Variants in KANK1 observed in about 807,000 individuals in gnomAD.
The protein encoded by KANK1 is KN motif and ankyrin repeat domain-containing protein 1.
Under a neutral mutation model 106.2 loss-of-function variants are expected in KANK1, and 109 were observed. That is an observed-to-expected ratio of 1.03 (90% CI 0.88 to 1.20). The LOEUF (loss-of-function observed/expected upper bound fraction) is 1.20. Ranked by LOEUF, KANK1 falls within the 50% of genes most tolerant of loss-of-function variation. KANK1 has a pLI of 0.00. For synonymous variants in KANK1, 873 were observed against 652.2 expected (o/e 1.34, Z -5.16); for missense variants, 2,399 against 1,710.7 (o/e 1.40, Z -7.10).
intron 3 of KANK1, among the ~76,000 whole-genome samples, chr9:485,740 G>A (rs968906732): frequency 5.9e-5 from 9 of 151,918 alleles, no homozygotes; most frequent in Admixed American, 4.6e-4. Context: ...ATGTGGTGGC[G>A]CATGCCTGTA....
intron 1 of KANK1, chr9:549,502 T>G (rs1191357462): frequency 6.6e-6 from 1 of 152,208 alleles, no homozygotes; most frequent in Non-Finnish European, 1.5e-5. Flanking sequence ...CAGTTTTCCT[T>G]CCTTCAAAAT....
intron 3 of KANK1, among the ~76,000 whole-genome samples, chr9:714,735 A>G (rs1347318906): frequency 6.6e-6 from 1 of 152,096 alleles, no homozygotes; most frequent in African/African-American, 2.4e-5. Context: ...CCTTCTTGAA[A>G]TTGAAGCTAA....
intron 2 of KANK1, among the ~76,000 whole-genome samples, chr9:677,267 A>G (rs1758321963): frequency 6.6e-6 from 1 of 152,160 alleles, no homozygotes; most frequent in Non-Finnish European, 1.5e-5. Flanking sequence ...AGACAAATGT[A>G]AATACTGAAT....
chr9:635,907 T>G (rs1207026522), intron 1 of KANK1, among the ~76,000 whole-genome samples: 1 of 151,994 alleles, frequency 6.6e-6, no homozygotes, highest in Non-Finnish European at 1.5e-5. Flanking sequence ...ACTCCTGGCC[T>G]CAGGTGATCC....
chr9:650,306 A>T (rs932403691), intron 1 of KANK1, among the ~76,000 whole-genome samples: 4 of 152,322 alleles, frequency 2.6e-5, no homozygotes. Context: ...TGCAAAGTGA[A>T]AGTAAAAGAT....
Position 662,665 on chromosome 9 carries a change from A to AAT in KANK1, c.-83-14225_-83-14224insAT, listed in dbSNP as rs374429443. On this transcript the variant is annotated intron_variant, in intron 1 of 11. Transcript: ENST00000382297. ...TTCCTTACACCTTATACAAAAGTTA[A>AAT]TTTTTTTTTTTTTTGAGACAGGGTC... Among the ~76,000 whole-genome samples, 59 of 141,782 alleles carry AAT rather than the reference A, an allele frequency of 4.2e-4. 2 individuals carry two copies. The highest frequency in any genetic ancestry group is 1.5e-3 in the African/African-American group (56 of 37,254). The allele number at this position is 141,782 out of a possible 152,430, so 93.0% of individuals were successfully genotyped here.
intron 1 of KANK1, among the ~76,000 whole-genome samples, chr9:595,925 G>A (rs757969248): frequency 8.6e-5 from 13 of 151,822 alleles, no homozygotes; most frequent in South Asian, 2.1e-4. Flanking sequence ...TATCCCAAAC[G>A]CTTGGGACTA....
rs554805116 is a variant in KANK1, at chr9:706,837, G to A, written c.38-3967G>A. On this transcript the variant is annotated intron_variant, in intron 2 of 11. Coordinates refer to ENST00000382297, the MANE Select transcript of KANK1 (RefSeq NM_015158.5). ...TGCCTCTGCACCTCCTCAGGTGACC[G>A]AGGGCTGGGCAGGAGGACACAGACT... 6 of 985,532 alleles carry A rather than the reference G, an allele frequency of 6.1e-6. No individual in the cohort carries two copies. The East Asian group carries it at 4.5e-4, about 75-fold the overall frequency. The allele number at this position is 985,532 out of a possible 1,614,324, so 61.0% of individuals were successfully genotyped here.
At chr9:643,073 T>G (rs777881216) in intron 1 of KANK1, among the ~76,000 whole-genome samples, 4 of 150,828 alleles carry the variant, frequency 2.7e-5, no homozygotes, top group Non-Finnish European at 5.9e-5. Flanking sequence ...GATAGGTCAT[T>G]TTTCAGATTC....
intron 7 of KANK1, chr9:735,831 T>C (rs1271739768): frequency 8.5e-6 from 3 of 354,572 alleles, no homozygotes; most frequent in South Asian, 2.1e-5. Flanking sequence ...CTTTCTCTAC[T>C]AAAAATACAA....
intron 11 of KANK1, 89 bp downstream of exon 11, chr9:744,678 T>G (rs769094124): frequency 1.2e-6 from 2 of 1,608,372 alleles, no homozygotes; most frequent in Non-Finnish European, 8.5e-7. Context: ...GGGAGACAGA[T>G]TTTATGTTGA....
chr9:726,312 T>G (rs975834628), intron 3 of KANK1, among the ~76,000 whole-genome samples: 2 of 152,140 alleles, frequency 1.3e-5, no homozygotes, highest in African/African-American at 2.4e-5. Flanking sequence ...TTAGAGGGAA[T>G]AAGCCCATTG....
intron 2 of KANK1, among the ~76,000 whole-genome samples, chr9:703,687 T>A (rs987386097): frequency 6.6e-6 from 1 of 152,056 alleles, no homozygotes; most frequent in Non-Finnish European, 1.5e-5. Context: ...AGTCTCTTTA[T>A]AACCCAGGTA....
intron 1 of KANK1, among the ~76,000 whole-genome samples, chr9:550,869 T>G (rs2061239311): frequency 6.6e-6 from 1 of 152,162 alleles, no homozygotes; most frequent in South Asian, 2.1e-4. Flanking sequence ...GTCTTCTTTT[T>G]CCCAGACTCC....
chr9:709,725 C>T (rs1173517423), intron 2 of KANK1, among the ~76,000 whole-genome samples: 1 of 151,742 alleles, frequency 6.6e-6, no homozygotes, highest in African/African-American at 2.4e-5. Flanking sequence ...AAGCAATTCT[C>T]CTGCCTCAGC....
chr9:543,785 T>A (rs929349576), intron 1 of KANK1, among the ~76,000 whole-genome samples: 1 of 152,200 alleles, frequency 6.6e-6, no homozygotes, highest in African/African-American at 2.4e-5. Context: ...AGTAGTTGAT[T>A]GTTGCAAGAC....
chr9:736,554 C>T (rs1476987365), intron 7 of KANK1, among the ~76,000 whole-genome samples: 2 of 151,980 alleles, frequency 1.3e-5, no homozygotes, highest in Non-Finnish European at 2.9e-5. Flanking sequence ...CAAAAATTAG[C>T]CAGGTATGAT....
At chr9:576,623 A>G (rs2135101705) in intron 1 of KANK1, among the ~76,000 whole-genome samples, 1 of 152,232 alleles carries the variant, frequency 6.6e-6, no homozygotes, top group East Asian at 1.9e-4. Flanking sequence ...ACATTGTTTC[A>G]TTTAGGGGAC....
At chr9:541,817 C>A (rs1252583671) in intron 1 of KANK1, among the ~76,000 whole-genome samples, 1 of 152,108 alleles carries the variant, frequency 6.6e-6, no homozygotes, top group Non-Finnish European at 1.5e-5. Context: ...AGGCCGGGCG[C>A]GGTGGCTCAC....
Sources: gnomAD v4.1 joint callset for allele counts (sites outside exome capture counted in the v4.1 genomes callset) on GRCh38, gnomAD v4.1.1 for gene constraint, MANE v1.5 for transcripts, NCBI Gene and HGNC (gene_info 2026-07-23, HGNC 2026-07-21) for gene names.